FAXC: variants seen among roughly 807,000 people sequenced by gnomAD.
FAXC encodes failed axon connections homolog.
In FAXC, 10 loss-of-function variants were observed where a neutral mutation model predicts 41.9. That is an observed-to-expected ratio of 0.24 (90% confidence interval 0.15 to 0.41). The LOEUF is 0.41. FAXC is among the 10% of genes least tolerant of loss of function. FAXC has a pLI of 1.00. For missense variants in FAXC, 399 were observed against 510.9 expected, an observed-to-expected ratio of 0.78 and a Z score of 2.11; for synonymous variants, 183 against 183.8, an observed-to-expected ratio of 1.00 and a Z score of 0.03.
chr6:99,283,691 G>A (rs1770914535), intron 5 of FAXC, among the ~76,000 whole-genome samples: 1 of 152,120 alleles, frequency 6.6e-6, no homozygotes, highest in Non-Finnish European at 1.5e-5. Context: ...GCCTCACCAG[G>A]TATTGCTGCC....
intron 1 of FAXC, among the ~76,000 whole-genome samples, chr6:99,343,382 T>C (rs1773490218): frequency 6.6e-6 from 1 of 152,196 alleles, no homozygotes; most frequent in South Asian, 2.1e-4. Context: ...GCCGGCTGTA[T>C]TTACCTGCTA....
intron 2 of FAXC, among the ~76,000 whole-genome samples, chr6:99,337,904 G>A (rs1773272583): frequency 6.6e-6 from 1 of 152,058 alleles, no homozygotes; most frequent in Non-Finnish European, 1.5e-5. Flanking sequence ...ATGATCTGAG[G>A]AGCACTGGCA....
chr6:99,293,522 A>G (rs1485507174), intron 4 of FAXC, among the ~76,000 whole-genome samples: 2 of 152,218 alleles, frequency 1.3e-5, no homozygotes, highest in Admixed American at 1.3e-4. Flanking sequence ...TAGGACTTTA[A>G]GGCATTTAAT....
At chr6:99,326,065 A>G (rs1743230777) in intron 3 of FAXC, among the ~76,000 whole-genome samples, 2 of 152,236 alleles carry the variant, frequency 1.3e-5, no homozygotes, top group Non-Finnish European at 1.5e-5. Context: ...GAAGCCTGTA[A>G]GAGGCGAGGC....
chr6:99,323,635 A>C lies in FAXC; in HGVS notation c.632T>G (p.Leu211Arg), dbSNP rs1772675438. The C allele has an allele frequency of 1.2e-6, 2 of 1,614,196 alleles. No individual in the cohort carries two copies. The highest frequency in any genetic ancestry group is 8.5e-7 in the Non-Finnish European group (1 of 1,180,010). Residue 211 changes from leucine to arginine, a missense_variant, in exon 4 of 6, where the codon CTC becomes CGC. Leu to Arg is a moderately radical substitution (Grantham distance 102). This residue lies in a region of FAXC where 239 missense variants were observed against 352.7 expected (regional missense o/e 0.68). Coordinates refer to ENST00000389677, the MANE Select transcript of FAXC (RefSeq NM_032511.4). Reference sequence around the variant, plus strand: ...AGAGAGCATCTTCCGGGTCTCATTGAGATTGTCCACCCACTGGCAATAAGC... The same window carrying C: ...AGAGAGCATCTTCCGGGTCTCATTGCGATTGTCCACCCACTGGCAATAAGC... ...TLAYCQWVDN[L>R]NETRKMLSLS...
chr6:99,329,482 A>G (rs1198924444), intron 3 of FAXC, among the ~76,000 whole-genome samples: 1 of 152,170 alleles, frequency 6.6e-6, no homozygotes, highest in East Asian at 1.9e-4. Context: ...CTTCCAACTC[A>G]TGAGAATGCC....
rs141315934 is a variant in FAXC, at chr6:99,282,021, C to T, written c.941-568G>A. ...TAGGTTTTTATGCACATAATAAAAACGGTGAGTGAGAAAAGTTACATTCAG... is the reference window on the plus strand; with the variant it reads ...TAGGTTTTTATGCACATAATAAAAATGGTGAGTGAGAAAAGTTACATTCAG... On this transcript the variant is annotated intron_variant, in intron 5 of 5. Transcript: ENST00000389677. 3.5e-4 allele frequency among the ~76,000 whole-genome samples: 53 copies of T among 152,068 alleles called. 2 individuals carry two copies. In the East Asian group the frequency reaches 0.01, roughly 29 times the overall value.
At chr6:99,342,394 G>A in intron 2 of FAXC, among the ~76,000 whole-genome samples, 1 of 151,628 alleles carries the variant, frequency 6.6e-6, no homozygotes. Context: ...ACCCAGACTG[G>A]AGTACAGTGG....
chr6:99,281,681 T>C (rs1380571710), intron 5 of FAXC, among the ~76,000 whole-genome samples: 2 of 152,126 alleles, frequency 1.3e-5, no homozygotes, highest in Admixed American at 6.5e-5. Context: ...CCTTTTACCA[T>C]GTGAGGACAC....
chr6:99,338,181 T>C (rs1374560472), intron 2 of FAXC, among the ~76,000 whole-genome samples: 1 of 152,186 alleles, frequency 6.6e-6, no homozygotes, highest in East Asian at 1.9e-4. Flanking sequence ...GCCCACTCCA[T>C]TTATTTTCCA....
chr6:99,318,305 A>AAAAAAAAAATAGAAGAAATG, intron 4 of FAXC, among the ~76,000 whole-genome samples: 1 of 129,150 alleles, frequency 7.7e-6, no homozygotes, highest in Non-Finnish European at 1.7e-5. Flanking sequence ...ACACACACAC[A>AAAAAAAAAATAGAAGAAATG]CAAAATAGAA....
rs371546807 is a variant in FAXC at position 99,285,693 on chromosome 6, A to T, written c.941-4240T>A. Among the ~76,000 whole-genome samples, 6 of 152,350 alleles carry T rather than the reference A, an allele frequency of 3.9e-5. No individual in the cohort carries two copies. In the South Asian group the frequency reaches 1.2e-3, roughly 32 times the overall value. Reference sequence around the variant, plus strand: ...ATCCAATAAAATCAATTGGTAAGAAACAAAGTGATATTCTCAGACAACTTG... The same window carrying T: ...ATCCAATAAAATCAATTGGTAAGAATCAAAGTGATATTCTCAGACAACTTG... On this transcript the variant is annotated intron_variant, in intron 5 of 5. Transcript: ENST00000389677.
At chr6:99,349,998 G>A (rs1168718607), upstream of FAXC, 2 of 152,240 alleles carry the variant, frequency 1.3e-5, no homozygotes, top group South Asian at 2.1e-4. Context: ...CCCAGAGTAG[G>A]GAACGCGCAG....
Position 99,349,346 on chromosome 6 carries a change from C to T in FAXC, c.27G>A (p.Ser9=), listed in dbSNP as rs568209650. 1 of 1,612,464 alleles carries T rather than the reference C, an allele frequency of 6.2e-7. No homozygotes were observed. The highest frequency in any genetic ancestry group is 8.5e-7 in the Non-Finnish European group (1 of 1,179,840). The change falls in exon 1 of 6, where the codon TCG becomes TCA. Residue 9 remains serine (S), a synonymous_variant. Transcript: ENST00000389677. Reference sequence around the variant, plus strand: ...TCAGATCCACCACGCACGGCCTGGACGAAGCAAAGCCAACCCCCCAGTGCA... The same window carrying T: ...TCAGATCCACCACGCACGGCCTGGATGAAGCAAAGCCAACCCCCCAGTGCA... The part of the protein sequence containing the change: MHWGVGFA[S]SRPCVVDLSW...
At chr6:99,320,904 C>G (rs1037274668) in intron 4 of FAXC, among the ~76,000 whole-genome samples, 5 of 152,288 alleles carry the variant, frequency 3.3e-5, no homozygotes, top group African/African-American at 9.6e-5. Flanking sequence ...GGGACTTGCC[C>G]CAGCCTGACT....
intron 1 of FAXC, 108 bp downstream of exon 1, chr6:99,348,999 A>T: frequency 9.1e-7 from 1 of 1,097,560 alleles, no homozygotes; most frequent in Non-Finnish European, 1.3e-6. Flanking sequence ...GCGCTTGGGC[A>T]TCTGGGCAGC....
intron 2 of FAXC, chr6:99,334,608 T>G (rs1773149473): frequency 1.0e-6 from 1 of 981,536 alleles, no homozygotes; most frequent in Non-Finnish European, 1.2e-6. Flanking sequence ...ACTTACCACA[T>G]ACCATAGCCC....
intron 2 of FAXC, among the ~76,000 whole-genome samples, chr6:99,335,576 C>T (rs1773187099): frequency 6.6e-6 from 1 of 152,192 alleles, no homozygotes; most frequent in Admixed American, 6.5e-5. Context: ...GACTGTGAGG[C>T]CCTGCTCCAG....
chr6:99,349,215 A>G lies in FAXC; in HGVS notation c.158T>C (p.Ile53Thr), dbSNP rs1173991872. Residue 53 changes from isoleucine (I) to threonine (T), a missense_variant, in exon 1 of 6, where the codon ATC becomes ACC. Transcript: ENST00000389677. ...GGGATCGGAGCCCAGCCCTGCCATG[A>G]TCCCACCGTAATCCTGCAAAGGGAA... Reference protein sequence around the residue: ...IAFPLQDYGGIMAGLGSDPWW... With the variant: ...IAFPLQDYGGTMAGLGSDPWW... The G allele has an allele frequency of 3.7e-6, 6 of 1,613,832 alleles. No homozygotes were observed.
Sources: allele counts gnomAD v4.1 joint callset (sites outside exome capture counted in the v4.1 genomes callset), GRCh38; gene constraint gnomAD v4.1.1; regional missense constraint gnomAD v4.1.1; transcripts MANE v1.5; gene names NCBI Gene and HGNC (gene_info 2026-07-23, HGNC 2026-07-21).